EXPH5: variants seen among roughly 807,000 people sequenced by gnomAD.
EXPH5 encodes the protein exophilin 5, also known as exophilin-5.
Under a neutral mutation model 41.1 loss-of-function variants are expected in EXPH5, and 42 were observed. The ratio of observed to expected loss-of-function variants is 1.02; its 90% CI spans 0.80 to 1.32. The LOEUF (loss-of-function observed/expected upper bound fraction) is 1.32. Among genes scored for constraint, EXPH5 ranks in the 40% most tolerant of loss-of-function variants. EXPH5 has a pLI of 0.00. For missense variants in EXPH5, 2,298 were observed against 2,314.5 expected, an observed-to-expected ratio of 0.99 and a Z score of 0.15; for synonymous variants, 798 against 833.5, an observed-to-expected ratio of 0.96 and a Z score of 0.73.
intron 1 of EXPH5, among the ~76,000 whole-genome samples, chr11:108,556,529 G>A (rs2093990842): frequency 6.6e-6 from 1 of 152,102 alleles, no homozygotes; most frequent in Non-Finnish European, 1.5e-5. Flanking sequence ...CTGGAGTGCA[G>A]TGGCCCAATC....
At chr11:108,600,018 C>T in the EXPH5 span, among the ~76,000 whole-genome samples, 1 of 152,172 alleles carries the variant, frequency 6.6e-6, no homozygotes, top group Non-Finnish European at 1.5e-5. Flanking sequence ...CAGGAGATTG[C>T]AATCTGGGTA....
intron 3 of EXPH5, among the ~76,000 whole-genome samples, chr11:108,537,237 C>G (rs536999987): frequency 1.9e-3 from 289 of 149,300 alleles, no homozygotes; most frequent in African/African-American, 6.6e-3. Flanking sequence ...AGGTCACATT[C>G]AAATTTAAAA....
At chr11:108,577,748 G>A (rs2094084734) in intron 1 of EXPH5, among the ~76,000 whole-genome samples, 2 of 152,118 alleles carry the variant, frequency 1.3e-5, no homozygotes, top group African/African-American at 4.8e-5. Context: ...TAACTGGGGT[G>A]AAATGATATT....
chr11:108,559,186 C>T (rs2094001838), intron 1 of EXPH5, among the ~76,000 whole-genome samples: 1 of 152,092 alleles, frequency 6.6e-6, no homozygotes. Context: ...AGTCAAGTGT[C>T]GATTTCCTGA....
the EXPH5 span, among the ~76,000 whole-genome samples, chr11:108,602,119 C>T: frequency 6.6e-6 from 1 of 152,210 alleles, no homozygotes; most frequent in Non-Finnish European, 1.5e-5. Flanking sequence ...ACATGGGAAC[C>T]ATTTAATGTG....
intron 1 of EXPH5, among the ~76,000 whole-genome samples, chr11:108,559,820 TA>T (rs2094004341): frequency 6.6e-6 from 1 of 152,220 alleles, no homozygotes; most frequent in South Asian, 2.1e-4. Flanking sequence ...CTTCTGTGTC[TA>T]AGCAAAAAGG....
rs116621686 is a variant in EXPH5, at chr11:108,510,202, G to C, written c.5305C>G (p.Pro1769Ala). 115 of 1,614,056 alleles carry C rather than the reference G, an allele frequency of 7.1e-5. No individual in the cohort carries two copies. The African/African-American group carries it at 1.4e-3, about 19-fold the overall frequency. Residue 1769 changes from proline (P) to alanine (A), a missense_variant, in exon 6 of 6, where the codon CCA becomes GCA. Coordinates refer to ENST00000265843, the MANE Select transcript of EXPH5 (RefSeq NM_015065.3). Reference protein sequence around the residue: ...EPAQKSRVSSPLASFLQQQRS... With the variant: ...EPAQKSRVSSALASFLQQQRS... ...TGTTGCTGCAGAAAACTGGCCAGTG[G>C]ACTGCTTACTCTAGATTTCTGTGCA...
At position 108,509,493 on chromosome 11, in the gene EXPH5, A is replaced by G; in HGVS notation, c.*44T>C. On this transcript the variant is annotated 3_prime_UTR_variant, in exon 6 of 6. Coordinates refer to ENST00000265843, the MANE Select transcript of EXPH5 (RefSeq NM_015065.3). The stretch of plus-strand genomic sequence containing the variant: ...TGCACATGTACACCTTAGTTCCATT[A>G]TAAGCTTTTGGTGAAAAAAGTAAAG... 1.3e-6 allele frequency: 2 copies of G among 1,512,136 alleles called. No homozygotes were observed. The highest frequency in any genetic ancestry group is 2.3e-5 in the East Asian group (1 of 44,326). 93.7% of individuals were successfully genotyped at this position (1,512,136 alleles called of 1,614,324 possible).
rs773179070 is a variant in EXPH5 at position 108,513,511 on chromosome 11, T to C, written c.1996A>G (p.Met666Val). ...ACAGTGACTTCTGTATGGCTTCTCA[T>C]TGGATGAGAGGCAGGCTTATTTGGA... is the stretch of plus-strand genomic sequence containing the variant. ...IFPNKPASHPMRSHTEVTVTS... is the reference protein window; with the variant it reads ...IFPNKPASHPVRSHTEVTVTS... Residue 666 changes from methionine to valine, a missense_variant, in exon 6 of 6, where the codon ATG (methionine) becomes GTG (valine). Transcript: ENST00000265843. The C allele has an allele frequency of 1.2e-6, 2 of 1,614,174 alleles. No individual in the cohort carries two copies. Among genetic ancestry groups the C allele is most frequent in the South Asian group, 2.2e-5 (2 of 91,076 alleles).
chr11:108,601,868 C>T, the EXPH5 span, among the ~76,000 whole-genome samples: 1 of 152,184 alleles, frequency 6.6e-6, no homozygotes, highest in Non-Finnish European at 1.5e-5. Context: ...CCCACCGCAG[C>T]CTCCCACGTC....
chr11:108,547,973 G>A (rs955564421), intron 1 of EXPH5, among the ~76,000 whole-genome samples: 4 of 152,010 alleles, frequency 2.6e-5, no homozygotes, highest in Non-Finnish European at 1.5e-5. Context: ...GCTGGGCTTG[G>A]TGGCGGGTGC....
At chr11:108,564,193 C>A (rs977916083) in intron 1 of EXPH5, among the ~76,000 whole-genome samples, 3 of 152,036 alleles carry the variant, frequency 2.0e-5, no homozygotes, top group African/African-American at 7.2e-5. Context: ...GAGGCTGAGG[C>A]AGGAGAATCG....
chr11:108,509,750 AG>A lies in EXPH5; in HGVS notation c.5756del (p.Pro1919LeufsTer4). The A allele has an allele frequency of 1.9e-6, 3 of 1,606,800 alleles. No homozygotes were observed. The highest frequency in any genetic ancestry group is 3.4e-5 in the Admixed American group (2 of 58,114). On this transcript the variant is annotated frameshift_variant, in exon 6 of 6. Coordinates refer to ENST00000265843, the MANE Select transcript of EXPH5 (RefSeq NM_015065.3). LOFTEE classifies it low-confidence loss of function (END_TRUNC). ...RLWKPSFLKN[P>X]GFLKDDLRNP... ...TCCTCAAATCATCTTTTAGGAAGCC[AG>A]GGTTCTTAAGAAAACTTGGTTTCCA...
intron 3 of EXPH5, among the ~76,000 whole-genome samples, chr11:108,538,543 C>G (rs1320819891): frequency 1.3e-5 from 2 of 152,060 alleles, no homozygotes; most frequent in Non-Finnish European, 2.9e-5. Context: ...TACATTTCCT[C>G]CCTCTGTTTT....
chr11:108,544,167 T>A (rs1348338839), intron 1 of EXPH5, among the ~76,000 whole-genome samples: 3 of 152,086 alleles, frequency 2.0e-5, no homozygotes, highest in Non-Finnish European at 2.9e-5. Context: ...TAATATTAAC[T>A]CTCTTTTTAC....
At chr11:108,538,185 G>A in intron 3 of EXPH5, 1 of 985,506 alleles carries the variant, frequency 1.0e-6, no homozygotes, top group Non-Finnish European at 1.2e-6. Flanking sequence ...CTCAGCGACA[G>A]TGACCTCCAA....
rs1426618272 is a variant in EXPH5 at position 108,512,840 on chromosome 11, T to C, written c.2667A>G (p.Pro889=). ...LSSAALPDSS[P]SKNSSLDAPV... Reference sequence around the variant, plus strand: ...GAGCATCAAGGGAAGAATTCTTTGATGGTGAGGAATCTGGTAGTGCAGCTG... The same window carrying C: ...GAGCATCAAGGGAAGAATTCTTTGACGGTGAGGAATCTGGTAGTGCAGCTG... Residue 889 remains proline, a synonymous_variant, in exon 6 of 6, where the codon CCA becomes CCG. Coordinates refer to ENST00000265843, the MANE Select transcript of EXPH5 (RefSeq NM_015065.3). 3.7e-6 allele frequency: 6 copies of C among 1,614,102 alleles called. No homozygotes were observed. Among genetic ancestry groups the C allele is most frequent in the Non-Finnish European group, 5.1e-6 (6 of 1,180,028 alleles).
At position 108,509,968 on chromosome 11, in the gene EXPH5, G is replaced by A. The variant is rs201558671; in HGVS notation, c.5539C>T (p.Arg1847Ter). The A allele has an allele frequency of 1.2e-5, 20 of 1,613,406 alleles. No individual in the cohort carries two copies. The highest frequency in any genetic ancestry group is 2.2e-5 in the East Asian group (1 of 44,884). Residue 1847 changes from arginine (R) to a stop codon, truncating the protein, a stop_gained, in exon 6 of 6, where the codon CGA (arginine) becomes TGA (stop). Coordinates refer to ENST00000265843, the MANE Select transcript of EXPH5 (RefSeq NM_015065.3). LOFTEE classifies it high-confidence loss of function. ...NEFSVNNGYS[R>*]RFRSFSELPS... is the part of the protein sequence containing the mutation. Reference sequence around the variant, plus strand: ...AGTTCAGAAAAAGATCTGAATCTTCGACTGTACCCATTGTTGACAGAGAAT... The same window carrying A: ...AGTTCAGAAAAAGATCTGAATCTTCAACTGTACCCATTGTTGACAGAGAAT...
chr11:108,514,797 C>T lies in EXPH5; in HGVS notation c.710G>A (p.Gly237Glu). 6.2e-7 allele frequency: 1 copy of T among 1,603,156 alleles called. No individual in the cohort carries two copies. The highest frequency in any genetic ancestry group is 8.5e-7 in the Non-Finnish European group (1 of 1,176,104). Residue 237 changes from glycine (G) to glutamate (E), a missense_variant, in exon 6 of 6, where the codon GGA becomes GAA. By Grantham distance (98) the Gly-to-Glu change is moderately conservative. Coordinates refer to ENST00000265843, the MANE Select transcript of EXPH5 (RefSeq NM_015065.3). Reference protein sequence around the residue: ...SVNTRTPLNYGSRTQFGHFYS... With the variant: ...SVNTRTPLNYESRTQFGHFYS... ...AAAGTGACCGAACTGTGTTCTTGAT[C>T]CATAGTTGAGGGGTGTTCTGGTATT...
Sources: gnomAD v4.1 joint callset for allele counts (sites outside exome capture counted in the v4.1 genomes callset) on GRCh38, gnomAD v4.1.1 for gene constraint, MANE v1.5 for transcripts, NCBI Gene and HGNC (gene_info 2026-07-23, HGNC 2026-07-21) for gene names.